Variants in JMJD1C observed in about 807,000 individuals in gnomAD.
JMJD1C encodes the protein jumonji domain containing 1C.
In JMJD1C, 31 loss-of-function variants were observed where a neutral mutation model predicts 245.3. The ratio of observed to expected loss-of-function variants is 0.13; its 90% CI spans 0.09 to 0.17. The LOEUF (loss-of-function observed/expected upper bound fraction) is 0.17, where lower values mean the gene tolerates loss of function less well. Among genes scored for constraint, JMJD1C ranks in the 10% least tolerant of loss-of-function variants. The pLI, the probability that JMJD1C is intolerant of heterozygous loss-of-function variation, is 1.00. For missense variants in JMJD1C, 2,691 were observed against 3,000.2 expected, an observed-to-expected ratio of 0.90 and a Z score of 2.41; for synonymous variants, 1,057 against 1,017.4, an observed-to-expected ratio of 1.04 and a Z score of -0.74.
intron 1 of JMJD1C, among the ~76,000 whole-genome samples, chr10:63,387,556 A>G (rs567170619): frequency 1.7e-4 from 14 of 80,778 alleles, no homozygotes; most frequent in African/African-American, 4.0e-4. Flanking sequence ...GACTAGATCA[A>G]ATAGAAGAAA....
chr10:63,320,668 ATT>A (rs1012566283), intron 2 of JMJD1C, among the ~76,000 whole-genome samples: 23 of 152,332 alleles, frequency 1.5e-4, no homozygotes, highest in African/African-American at 5.5e-4. Context: ...TGAAATATAT[ATT>A]TGTTTTTTGT....
At position 63,184,883 on chromosome 10, in the gene JMJD1C, C is replaced by G; in HGVS notation, c.6831-145G>C. 4 of 694,246 alleles carry G rather than the reference C, an allele frequency of 5.8e-6. No homozygotes were observed. The Admixed American group carries it at 9.2e-5, about 16-fold the overall frequency. The allele number at this position is 694,246 out of a possible 1,614,324, so 43.0% of individuals were successfully genotyped here. On this transcript the variant is annotated intron_variant, in intron 20 of 25. Coordinates refer to ENST00000399262, the MANE Select transcript of JMJD1C (RefSeq NM_032776.3). Reference sequence around the variant, plus strand: ...TTTTCCTTGACTCAAGTGATACTGACTAAAATAGCAATTCTGCTTCTCTAA... The same window carrying G: ...TTTTCCTTGACTCAAGTGATACTGAGTAAAATAGCAATTCTGCTTCTCTAA...
intron 1 of JMJD1C, among the ~76,000 whole-genome samples, chr10:63,421,759 A>G (rs1406431427): frequency 6.6e-6 from 1 of 152,218 alleles, no homozygotes; most frequent in African/African-American, 2.4e-5. Flanking sequence ...AAGAAATATC[A>G]GAGCTTCACT....
chr10:63,202,613 C>T (rs1846153136), intron 10 of JMJD1C: 1 of 985,436 alleles, frequency 1.0e-6, no homozygotes, highest in Non-Finnish European at 1.2e-6. Flanking sequence ...ATGCTTTCCC[C>T]TCTCTGTCTC....
At chr10:63,274,036 A>C (rs1293863659) in intron 2 of JMJD1C, among the ~76,000 whole-genome samples, 2 of 152,212 alleles carry the variant, frequency 1.3e-5, no homozygotes, top group Non-Finnish European at 2.9e-5. Flanking sequence ...CAGACTCAAA[A>C]ACAAAAAAGC....
At chr10:63,204,151 T>C in intron 10 of JMJD1C, 1 of 983,768 alleles carries the variant, frequency 1.0e-6, no homozygotes, top group Non-Finnish European at 1.2e-6. Flanking sequence ...AAAAAAAACT[T>C]TTCTAGGTAG....
At chr10:63,202,216 T>C in intron 10 of JMJD1C, 2 of 821,282 alleles carry the variant, frequency 2.4e-6, no homozygotes, top group Non-Finnish European at 2.9e-6. Flanking sequence ...ATCGTGCCAC[T>C]GGATTCCAGC....
At position 63,340,300 on chromosome 10, in the gene JMJD1C, C is replaced by T. The variant is rs137972856; in HGVS notation, c.333+40018G>A. Among the ~76,000 whole-genome samples the T allele has an allele frequency of 1.8e-3, 267 of 152,316 alleles. 1 individual carries two copies. The highest frequency in any genetic ancestry group is 5.9e-3 in the African/African-American group (247 of 41,568). On this transcript the variant is annotated intron_variant, in intron 2 of 25. Transcript: ENST00000399262. ...ATCTTTTCTGAATACGCCCAGATTACCCCACACATGTGTGCACATAAAGTT... is the reference window on the plus strand; with the variant it reads ...ATCTTTTCTGAATACGCCCAGATTATCCCACACATGTGTGCACATAAAGTT...
intron 2 of JMJD1C, among the ~76,000 whole-genome samples, chr10:63,293,260 T>C (rs1232160217): frequency 6.6e-6 from 1 of 152,042 alleles, no homozygotes; most frequent in African/African-American, 2.4e-5. Context: ...TAAACCATGG[T>C]CACTCCATTT....
intron 3 of JMJD1C, among the ~76,000 whole-genome samples, chr10:63,256,347 T>C (rs1246111571): frequency 1.3e-5 from 2 of 152,196 alleles, no homozygotes; most frequent in Non-Finnish European, 2.9e-5. Flanking sequence ...TTAATAAGCA[T>C]GTTTCATTAC....
intron 2 of JMJD1C, among the ~76,000 whole-genome samples, chr10:63,287,864 C>T (rs1192604367): frequency 3.3e-5 from 5 of 151,982 alleles, no homozygotes; most frequent in Admixed American, 6.6e-5. Context: ...TCTCCTGCCT[C>T]GGCCTCTCAA....
intron 2 of JMJD1C, among the ~76,000 whole-genome samples, chr10:63,369,581 T>C (rs1946131936): frequency 1.3e-5 from 2 of 152,260 alleles, no homozygotes; most frequent in Admixed American, 1.3e-4. Flanking sequence ...TTAGATTGAC[T>C]GTTTATTTAA....
intron 1 of JMJD1C, among the ~76,000 whole-genome samples, chr10:63,464,625 A>C (rs567909166): frequency 6.6e-6 from 1 of 152,098 alleles, no homozygotes; most frequent in African/African-American, 2.4e-5. Context: ...ACAACAGAGC[A>C]TATTACAGCT....
At chr10:63,513,478 A>C (rs1402350236) in intron 1 of JMJD1C, among the ~76,000 whole-genome samples, 4 of 152,246 alleles carry the variant, frequency 2.6e-5, no homozygotes, top group African/African-American at 9.6e-5. Flanking sequence ...ATTAAACTAA[A>C]GAGCTTTTGT....
rs150407591 is a variant in JMJD1C at position 63,486,447 on chromosome 10, G to T, written n.113+35291C>A. ...TTTAAGCAAGGAAGCAAAGGAATCA[G>T]CATTTAGAATAACTAATCTACCTGT... On this transcript the variant is annotated intron_variant and non_coding_transcript_variant, in intron 1 of 3. Transcript: ENST00000633035. Among the ~76,000 whole-genome samples the T allele has an allele frequency of 2.4e-3, 366 of 152,276 alleles. 3 individuals are homozygous for T. The South Asian group carries it at 0.029, about 12-fold the overall frequency.
chr10:63,398,059 T>TCA (rs570260738), intron 1 of JMJD1C, among the ~76,000 whole-genome samples: 1 of 152,196 alleles, frequency 6.6e-6, no homozygotes, highest in Admixed American at 6.5e-5. Context: ...TCAACAATTC[T>TCA]CAACTCATGG....
chr10:63,279,403 A>G (rs149360872), intron 2 of JMJD1C, among the ~76,000 whole-genome samples: 124 of 152,380 alleles, frequency 8.1e-4, no homozygotes, highest in African/African-American at 2.9e-3. Context: ...GATTAACCTT[A>G]AATTTTAATA....
intron 3 of JMJD1C, among the ~76,000 whole-genome samples, chr10:63,231,041 A>T (rs1013241013): frequency 1.3e-5 from 2 of 152,344 alleles, no homozygotes; most frequent in Middle Eastern, 3.4e-3. Flanking sequence ...TTAAATTATT[A>T]TAACTTTTAA....
At chr10:63,375,838 G>A (rs1434268488) in intron 2 of JMJD1C, among the ~76,000 whole-genome samples, 1 of 151,812 alleles carries the variant, frequency 6.6e-6, no homozygotes, top group Non-Finnish European at 1.5e-5. Flanking sequence ...ACAGCACCCA[G>A]CCCTTAATAT....
Sources: allele counts gnomAD v4.1 joint callset (sites outside exome capture counted in the v4.1 genomes callset), GRCh38; gene constraint gnomAD v4.1.1; transcripts MANE v1.5; gene names NCBI Gene and HGNC (gene_info 2026-07-23, HGNC 2026-07-21).